Variants in GABRB3 observed in about 807,000 individuals in gnomAD.
GABRB3 encodes the protein gamma-aminobutyric acid type A receptor subunit beta3.
In GABRB3, 14 loss-of-function variants were observed where a neutral mutation model predicts 52.1. The observed-to-expected ratio is 0.27, with a 90% CI of 0.18 to 0.42. The LOEUF (loss-of-function observed/expected upper bound fraction) is 0.42. Ranked by LOEUF, GABRB3 falls within the 10% of genes least tolerant of loss-of-function variation. GABRB3 has a pLI of 1.00. For synonymous variants in GABRB3, 260 were observed against 232.3 expected (o/e 1.12, Z -1.08); for missense variants, 307 against 609.1 (o/e 0.50, Z 5.22).
At chr15:26,585,643 C>T (rs940993216) in intron 4 of GABRB3, among the ~76,000 whole-genome samples, 1 of 152,204 alleles carries the variant, frequency 6.6e-6, no homozygotes, top group Non-Finnish European at 1.5e-5. Flanking sequence ...AGCATGCATG[C>T]ACCATGCAGA....
chr15:26,676,821 T>C (rs947618498), intron 3 of GABRB3, among the ~76,000 whole-genome samples: 4 of 152,232 alleles, frequency 2.6e-5, no homozygotes, highest in Non-Finnish European at 5.9e-5. Flanking sequence ...ATAAAATAAA[T>C]GATTATGATT....
At chr15:26,656,001 A>G (rs1395670397) in intron 3 of GABRB3, among the ~76,000 whole-genome samples, 1 of 152,126 alleles carries the variant, frequency 6.6e-6, no homozygotes, top group African/African-American at 2.4e-5. Context: ...TGACTAACGT[A>G]TTTTGGCAAG....
At chr15:26,673,958 CATTGTTAATCT>C (rs1359719311) in intron 3 of GABRB3, among the ~76,000 whole-genome samples, 2 of 152,168 alleles carry the variant, frequency 1.3e-5, no homozygotes, top group East Asian at 3.8e-4. Context: ...ATACGCCTAA[CATTGTTAATCT>C]ATAAAACGTG....
chr15:26,697,866 G>A (rs192691644), intron 3 of GABRB3, among the ~76,000 whole-genome samples: 15 of 152,276 alleles, frequency 9.9e-5, no homozygotes, highest in Admixed American at 9.8e-4. Flanking sequence ...CACGTTCACT[G>A]TTTCTCCCAG....
At chr15:26,634,995 T>C (rs1566785533) in intron 3 of GABRB3, among the ~76,000 whole-genome samples, 1 of 5,076 alleles carries the variant, frequency 2.0e-4, no homozygotes, top group Non-Finnish European at 3.9e-3. Context: ...AATATATATA[T>C]ATATATATAT....
intron 4 of GABRB3, among the ~76,000 whole-genome samples, chr15:26,602,008 C>A (rs1891606791): frequency 6.6e-6 from 1 of 152,092 alleles, no homozygotes; most frequent in East Asian, 1.9e-4. Context: ...CTATTGCCTG[C>A]AAGAAATACA....
At position 26,618,995 on chromosome 15, in the gene GABRB3, A is replaced by C. The variant is rs922411411; in HGVS notation, c.461+2319T>G. ...ACCATCTCACACCAGTTAGAATGGCAATCATTCAAAAGTCAGGAAACAACA... is the reference window on the plus strand; with the variant it reads ...ACCATCTCACACCAGTTAGAATGGCCATCATTCAAAAGTCAGGAAACAACA... On this transcript the variant is annotated intron_variant, in intron 4 of 8. Coordinates refer to ENST00000311550, the MANE Select transcript of GABRB3 (RefSeq NM_000814.6). 7.7e-5 allele frequency among the ~76,000 whole-genome samples: 11 copies of C among 143,322 alleles called. No individual in the cohort carries two copies. The Admixed American group carries it at 7.7e-4, about 10-fold the overall frequency. 94.0% of individuals were successfully genotyped at this position (143,322 alleles called of 152,430 possible).
At chr15:26,566,894 G>C (rs1890197520) in intron 7 of GABRB3, among the ~76,000 whole-genome samples, 1 of 152,052 alleles carries the variant, frequency 6.6e-6, no homozygotes. Flanking sequence ...CTATCCAAAG[G>C]GATGGATTGC....
At chr15:26,607,084 C>T (rs867273383) in intron 4 of GABRB3, among the ~76,000 whole-genome samples, 3 of 152,208 alleles carry the variant, frequency 2.0e-5, no homozygotes, top group Middle Eastern at 3.4e-3. Context: ...TAACCAATCT[C>T]GCTGTTTCTG....
chr15:26,586,686 C>CAAAA (rs1179931462), intron 4 of GABRB3, among the ~76,000 whole-genome samples: 14 of 98,636 alleles, frequency 1.4e-4, no homozygotes, highest in African/African-American at 4.2e-4. Flanking sequence ...GACTCCATCT[C>CAAAA]AAAAAAAAAA....
intron 3 of GABRB3, among the ~76,000 whole-genome samples, chr15:26,743,932 A>T (rs1176358090): frequency 6.6e-6 from 1 of 150,774 alleles, no homozygotes; most frequent in African/African-American, 2.4e-5. Context: ...CTTCTTTCTC[A>T]ACTCTCCCCG....
Position 26,586,022 on chromosome 15 carries a change from G to A in GABRB3, c.462-2608C>T, listed in dbSNP as rs942835249. On this transcript the variant is annotated intron_variant, in intron 4 of 8. Coordinates refer to ENST00000311550, the MANE Select transcript of GABRB3 (RefSeq NM_000814.6). ...TTGTTTGTTTGTTTGTTTTTGCTACGGAGTCTTGCTCTGTCGCCCAGGCTT... is the reference window on the plus strand; with the variant it reads ...TTGTTTGTTTGTTTGTTTTTGCTACAGAGTCTTGCTCTGTCGCCCAGGCTT... Among the ~76,000 whole-genome samples, 8 of 151,864 alleles carry A rather than the reference G, an allele frequency of 5.3e-5. 1 individual carries two copies. The highest frequency in any genetic ancestry group is 3.3e-4 in the Admixed American group (5 of 15,248).
At chr15:26,580,805 G>A in intron 5 of GABRB3, 1 of 376,880 alleles carries the variant, frequency 2.7e-6, no homozygotes, top group Non-Finnish European at 5.1e-6. Flanking sequence ...AGTTTTAAGA[G>A]AATGAGAATT....
intron 4 of GABRB3, among the ~76,000 whole-genome samples, chr15:26,605,754 A>G (rs1055904789): frequency 6.6e-6 from 1 of 152,134 alleles, no homozygotes; most frequent in Admixed American, 6.5e-5. Context: ...TAGAGACTAG[A>G]AGGATGGTAA....
At chr15:26,734,237 G>A (rs1320440347) in intron 3 of GABRB3, among the ~76,000 whole-genome samples, 1 of 151,614 alleles carries the variant, frequency 6.6e-6, no homozygotes, top group African/African-American at 2.4e-5. Flanking sequence ...CTTCACGTTG[G>A]TCAGGCTGGT....
chr15:26,589,084 C>A (rs1431857251), intron 4 of GABRB3, among the ~76,000 whole-genome samples: 1 of 152,188 alleles, frequency 6.6e-6, no homozygotes, highest in Non-Finnish European at 1.5e-5. Context: ...TCAAGATCCA[C>A]GGATGTCAGT....
intron 3 of GABRB3, among the ~76,000 whole-genome samples, chr15:26,695,119 TAAG>T (rs2140670190): frequency 6.6e-6 from 1 of 152,118 alleles, no homozygotes; most frequent in East Asian, 1.9e-4. Flanking sequence ...GACAGGAACT[TAAG>T]AAATAGTCAG....
At chr15:26,686,987 C>A (rs965987180) in intron 3 of GABRB3, among the ~76,000 whole-genome samples, 3 of 152,274 alleles carry the variant, frequency 2.0e-5, no homozygotes, top group Non-Finnish European at 2.9e-5. Flanking sequence ...CACGCAGCCA[C>A]CCGCCAGCTC....
intron 3 of GABRB3, among the ~76,000 whole-genome samples, chr15:26,637,341 G>A (rs1020973762): frequency 6.6e-6 from 1 of 152,008 alleles, no homozygotes; most frequent in African/African-American, 2.4e-5. Flanking sequence ...CCCTCTACAC[G>A]CTCCCATCCT....
Sources: allele counts gnomAD v4.1 joint callset (sites outside exome capture counted in the v4.1 genomes callset), GRCh38; gene constraint gnomAD v4.1.1; transcripts MANE v1.5; gene names NCBI Gene and HGNC (gene_info 2026-07-23, HGNC 2026-07-21).